CBFB: variants seen among roughly 807,000 people sequenced by gnomAD.
CBFB encodes the protein core-binding factor subunit beta.
Under a neutral mutation model 30.4 loss-of-function variants are expected in CBFB, and 9 were observed. The ratio of observed to expected loss-of-function variants is 0.30; its 90% CI spans 0.18 to 0.52. The LOEUF is 0.52. Among genes scored for constraint, CBFB ranks in the 20% least tolerant of loss-of-function variants. CBFB has a pLI of 0.97. For synonymous variants in CBFB, 94 were observed against 84.0 expected (o/e 1.12, Z -0.65); for missense variants, 170 against 244.0 (o/e 0.70, Z 2.02).
intron 2 of CBFB, among the ~76,000 whole-genome samples, chr16:67,030,614 T>G (rs187215876): frequency 6.6e-6 from 1 of 152,274 alleles, no homozygotes; most frequent in East Asian, 1.9e-4. Context: ...ATTACTATTT[T>G]TTTGAGGTAG....
chr16:67,050,629 A>G (rs1240072768), intron 3 of CBFB, among the ~76,000 whole-genome samples: 2 of 152,000 alleles, frequency 1.3e-5, no homozygotes, highest in African/African-American at 2.4e-5. Context: ...CTGTCTGTAC[A>G]AAAAAGTTTA....
chr16:67,093,611 G>A (rs1270891798), intron 5 of CBFB: 4 of 152,102 alleles, frequency 2.6e-5, no homozygotes, highest in African/African-American at 4.8e-5. Flanking sequence ...GAAAACAGGA[G>A]AGCAACTGGT....
At position 67,098,860 on chromosome 16, in the gene CBFB, G is replaced by A. The variant is rs1422107408; in HGVS notation, c.*82G>A. 3 of 844,406 alleles carry A rather than the reference G, an allele frequency of 3.6e-6. No individual in the cohort carries two copies. The highest frequency in any genetic ancestry group is 3.4e-5 in the African/African-American group (2 of 59,624). 52.3% of individuals were successfully genotyped at this position (844,406 alleles called of 1,614,324 possible). ...GCAGAAATAATTGATTAAAAGACCA[G>A]AAACTGTGATAACTGGAGGTACTAC... On this transcript the variant is annotated 3_prime_UTR_variant, in exon 6 of 6. Coordinates refer to ENST00000412916, the MANE Select transcript of CBFB (RefSeq NM_022845.3).
chr16:67,042,926 G>C (rs527538574), intron 3 of CBFB, among the ~76,000 whole-genome samples: 3 of 152,092 alleles, frequency 2.0e-5, no homozygotes, highest in Admixed American at 6.6e-5. Flanking sequence ...AGTAGAGACA[G>C]GGTTTCACCA....
chr16:67,088,315 G>A (rs569144714), intron 5 of CBFB, among the ~76,000 whole-genome samples: 22 of 152,176 alleles, frequency 1.4e-4, no homozygotes, highest in Admixed American at 5.2e-4. Context: ...TTCCTAAAAA[G>A]AGAATATTGG....
rs576620719 is a variant in CBFB at position 67,099,215 on chromosome 16, A to G, written c.*437A>G. On this transcript the variant is annotated 3_prime_UTR_variant, in exon 6 of 6. Coordinates refer to ENST00000412916, the MANE Select transcript of CBFB (RefSeq NM_022845.3). ...TTTTGGTTATACAGCTTCATTTTAG[A>G]TGAGCATTCTTATTTTTTGTTTTGT... 10 of 232,942 alleles carry G rather than the reference A, an allele frequency of 4.3e-5. No individual in the cohort carries two copies. The highest frequency in any genetic ancestry group is 7.6e-5 in the Non-Finnish European group (9 of 118,626). The allele number at this position is 232,942 out of a possible 1,614,324, so 14.4% of individuals were successfully genotyped here.
chr16:67,063,196 G>A (rs541932545), intron 3 of CBFB, among the ~76,000 whole-genome samples: 1 of 152,336 alleles, frequency 6.6e-6, no homozygotes, highest in East Asian at 1.9e-4. Flanking sequence ...TAAATGCACA[G>A]TGTGGAAGGG....
intron 4 of CBFB, among the ~76,000 whole-genome samples, chr16:67,080,984 T>G (rs776534232): frequency 6.6e-6 from 1 of 152,120 alleles, no homozygotes; most frequent in Non-Finnish European, 1.5e-5. Context: ...TGACTTTTTT[T>G]TATATATATA....
intron 1 of CBFB, 56 bp downstream of exon 1, chr16:67,029,541 G>A: frequency 2.6e-6 from 4 of 1,516,964 alleles, no homozygotes; most frequent in Non-Finnish European, 3.6e-6. Context: ...GTGGGCCCGG[G>A]CGGAGAAAAG....
intron 3 of CBFB, among the ~76,000 whole-genome samples, chr16:67,039,049 A>T (rs556120200): frequency 2.6e-5 from 4 of 152,314 alleles, no homozygotes; most frequent in African/African-American, 9.6e-5. Flanking sequence ...TAGTACAGTC[A>T]TGTGTCACTT....
chr16:67,029,497 G>C lies in CBFB; in HGVS notation c.78+12G>C. 1 of 1,581,240 alleles carries C rather than the reference G, an allele frequency of 6.3e-7. No homozygotes were observed. The highest frequency in any genetic ancestry group is 8.6e-7 in the Non-Finnish European group (1 of 1,165,384). On this transcript the variant is annotated intron_variant, in intron 1 of 5. Coordinates refer to ENST00000412916, the MANE Select transcript of CBFB (RefSeq NM_022845.3). ...GCCGCGAGTGTGAGGTGAGGCAGGCGGGCGGGCGGCTAGGAGGCCGCAGCG... is the reference window on the plus strand; with the variant it reads ...GCCGCGAGTGTGAGGTGAGGCAGGCCGGCGGGCGGCTAGGAGGCCGCAGCG...
intron 3 of CBFB, among the ~76,000 whole-genome samples, chr16:67,059,369 T>G (rs1204467290): frequency 6.6e-6 from 1 of 152,214 alleles, no homozygotes. Context: ...ATTAGAAGGA[T>G]CTTTGTGTCT....
intron 4 of CBFB, among the ~76,000 whole-genome samples, chr16:67,071,731 A>G (rs192761801): frequency 2.0e-5 from 3 of 152,274 alleles, no homozygotes; most frequent in Admixed American, 1.3e-4. Context: ...ATGGGATAGC[A>G]TATGTAAAGG....
At chr16:67,045,984 TG>T (rs1410337629) in intron 3 of CBFB, among the ~76,000 whole-genome samples, 1 of 151,594 alleles carries the variant, frequency 6.6e-6, no homozygotes, top group Non-Finnish European at 1.5e-5. Flanking sequence ...TTATTGGAGA[TG>T]GGGTTTCACC....
At chr16:67,073,028 C>G (rs1421057660) in intron 4 of CBFB, among the ~76,000 whole-genome samples, 2 of 152,080 alleles carry the variant, frequency 1.3e-5, no homozygotes, top group African/African-American at 4.8e-5. Context: ...CTTTTATTTT[C>G]TTCATAAAAG....
intron 3 of CBFB, among the ~76,000 whole-genome samples, chr16:67,043,028 G>A (rs191626415): frequency 1.1e-3 from 168 of 152,176 alleles, no homozygotes; most frequent in African/African-American, 3.8e-3. Context: ...GAGCCACTGC[G>A]CCTGGTCCAC....
At chr16:67,039,063 G>A (rs1436103116) in intron 3 of CBFB, among the ~76,000 whole-genome samples, 1 of 152,178 alleles carries the variant, frequency 6.6e-6, no homozygotes, top group African/African-American at 2.4e-5. Flanking sequence ...GTCACTTAAT[G>A]GTAGGGATAT....
intron 4 of CBFB, among the ~76,000 whole-genome samples, chr16:67,073,935 A>G (rs551506184): frequency 1.3e-5 from 2 of 152,104 alleles, no homozygotes; most frequent in South Asian, 2.1e-4. Flanking sequence ...AAGCTGAGGC[A>G]GGAGAATGGC....
intron 5 of CBFB, among the ~76,000 whole-genome samples, chr16:67,095,045 C>G (rs1376490847): frequency 2.0e-5 from 3 of 151,500 alleles, no homozygotes; most frequent in Non-Finnish European, 4.4e-5. Flanking sequence ...TGGTGAAACC[C>G]TGTCTCTACT....
Sources: gnomAD v4.1 joint callset for allele counts (sites outside exome capture counted in the v4.1 genomes callset) on GRCh38, gnomAD v4.1.1 for gene constraint, MANE v1.5 for transcripts, NCBI Gene and HGNC (gene_info 2026-07-23, HGNC 2026-07-21) for gene names.